Variants in CNKSR2 observed in about 807,000 individuals in gnomAD.
CNKSR2 encodes the protein connector enhancer of kinase suppressor of Ras 2.
Under a neutral mutation model 84.4 loss-of-function variants are expected in CNKSR2, and 14 were observed. The observed-to-expected ratio is 0.17, with a 90% CI of 0.11 to 0.26. The LOEUF is 0.26. Ranked by LOEUF, CNKSR2 falls within the 10% of genes least tolerant of loss-of-function variation. The pLI is 1.00. For missense variants in CNKSR2, 485 were observed against 771.2 expected, an observed-to-expected ratio of 0.63 and a Z score of 4.40; for synonymous variants, 275 against 277.9, an observed-to-expected ratio of 0.99 and a Z score of 0.10.
At chrX:21,524,443 T>C (rs779415915) in intron 9 of CNKSR2, among the ~76,000 whole-genome samples, 1 of 111,022 alleles carries the variant, frequency 9.0e-6, no homozygotes, top group African/African-American at 3.2e-5. Flanking sequence ...ATGACATTGA[T>C]AGGAACTGTT....
intron 1 of CNKSR2, among the ~76,000 whole-genome samples, chrX:21,410,808 G>A (rs936101823): frequency 1.8e-5 from 2 of 110,320 alleles, no homozygotes; most frequent in African/African-American, 6.6e-5. Flanking sequence ...GTGTGTGTGT[G>A]TGTGTGTGTT....
At chrX:21,433,390 T>G (rs2090661349) in intron 3 of CNKSR2, among the ~76,000 whole-genome samples, 1 of 111,700 alleles carries the variant, frequency 9.0e-6, no homozygotes, top group African/African-American at 3.2e-5. Context: ...TCTTGTAATA[T>G]GAAATGAAAA....
At chrX:21,623,320 A>C (rs1474197646) in intron 20 of CNKSR2, among the ~76,000 whole-genome samples, 1 of 111,544 alleles carries the variant, frequency 9.0e-6, no homozygotes, top group Non-Finnish European at 1.9e-5. Context: ...AAACTGTACT[A>C]CCAATTTCTG....
At chrX:21,421,531 GT>G (rs2090496597) in intron 1 of CNKSR2, among the ~76,000 whole-genome samples, 1 of 110,237 alleles carries the variant, frequency 9.1e-6, no homozygotes, top group East Asian at 2.8e-4. Context: ...GGACACTTGG[GT>G]TGCTTCCACC....
At chrX:21,426,341 T>C (rs2090564120) in intron 1 of CNKSR2, 156 bp from the exon 2 acceptor site, 1 of 452,825 alleles carries the variant, frequency 2.2e-6, no homozygotes, top group Non-Finnish European at 3.7e-6. Context: ...GTAGCCCATA[T>C]GTAGGTTAAG....
At chrX:21,444,463 T>A (rs1378977924) in intron 4 of CNKSR2, among the ~76,000 whole-genome samples, 1 of 111,352 alleles carries the variant, frequency 9.0e-6, no homozygotes, top group Non-Finnish European at 1.9e-5. Flanking sequence ...CAGTATAAAC[T>A]TGGACAAATT....
rs548431803 is a variant in CNKSR2, at chrX:21,554,761, C to G, written c.1304-6710C>G. On this transcript the variant is annotated intron_variant, in intron 11 of 21. Transcript: ENST00000379510. ...ATGGACATTTATGTTGATTCCATGT[C>G]TTTGCTATTGTGAATAGTGCTGCAA... Among the ~76,000 whole-genome samples, 11 of 111,381 alleles carry G rather than the reference C, an allele frequency of 9.9e-5. No homozygotes were observed. In the Middle Eastern group the frequency reaches 0.014, roughly 141 times the overall value.
chrX:21,502,901 G>C (rs746972562), intron 8 of CNKSR2, among the ~76,000 whole-genome samples: 1 of 111,148 alleles, frequency 9.0e-6, no homozygotes, highest in East Asian at 2.8e-4. Context: ...TGTCCCATAG[G>C]ATGAGGATTT....
chrX:21,541,334 T>C (rs962088200), intron 11 of CNKSR2, among the ~76,000 whole-genome samples: 1 of 111,961 alleles, frequency 8.9e-6, no homozygotes, highest in South Asian at 3.7e-4. Flanking sequence ...AAGATTCTTA[T>C]GTTATACCAT....
intron 11 of CNKSR2, among the ~76,000 whole-genome samples, chrX:21,543,579 T>G (rs1043249943): frequency 2.7e-5 from 3 of 111,921 alleles, no homozygotes; most frequent in Non-Finnish European, 3.8e-5. Context: ...TCTTCCTGAA[T>G]TTGTGCAATT....
Position 21,407,055 on chromosome X carries a change from A to C in CNKSR2, c.65-19442A>C, listed in dbSNP as rs1186794391. Reference sequence around the variant, plus strand: ...TGATTTGGTGGCATTAGTAGGTCATAGTCATAGAGTAACAGTACTCTTCTC... The same window carrying C: ...TGATTTGGTGGCATTAGTAGGTCATCGTCATAGAGTAACAGTACTCTTCTC... On this transcript the variant is annotated intron_variant, in intron 1 of 21. Transcript: ENST00000379510. Among the ~76,000 whole-genome samples, 2 of 111,541 alleles carry C rather than the reference A, an allele frequency of 1.8e-5. 1 individual carries two copies. Among genetic ancestry groups the C allele is most frequent in the Non-Finnish European group, 3.8e-5 (2 of 53,059 alleles).
intron 8 of CNKSR2, among the ~76,000 whole-genome samples, chrX:21,501,892 G>A (rs1294435248): frequency 9.2e-6 from 1 of 109,043 alleles, no homozygotes; most frequent in African/African-American, 3.3e-5. Flanking sequence ...TAAAGTGACA[G>A]TATGTATAAA....
Position 21,485,883 on chromosome X carries a change from C to T in CNKSR2, c.562-4576C>T, listed in dbSNP as rs763323166. 2.7e-5 allele frequency among the ~76,000 whole-genome samples: 3 copies of T among 111,698 alleles called. No homozygotes were observed. In the South Asian group the frequency reaches 1.1e-3, roughly 41 times the overall value. On this transcript the variant is annotated intron_variant, in intron 5 of 21. Coordinates refer to ENST00000379510, the MANE Select transcript of CNKSR2 (RefSeq NM_014927.5). The stretch of plus-strand genomic sequence containing the variant: ...GGTGCAGTGGCTCACGCCTGCAATC[C>T]CAGAACTTTGGGAGGCCGAAGTAGG...
intron 1 of CNKSR2, among the ~76,000 whole-genome samples, chrX:21,404,531 G>T (rs1260460687): frequency 9.1e-6 from 1 of 110,463 alleles, no homozygotes; most frequent in African/African-American, 3.3e-5. Flanking sequence ...GCTCACACCT[G>T]TAACCCTAGC....
intron 1 of CNKSR2, among the ~76,000 whole-genome samples, chrX:21,399,962 G>C (rs984748537): frequency 9.0e-6 from 1 of 111,067 alleles, no homozygotes; most frequent in Non-Finnish European, 1.9e-5. Flanking sequence ...CGTAGTCTAT[G>C]TAAAAGATGT....
intron 13 of CNKSR2, among the ~76,000 whole-genome samples, chrX:21,580,895 C>T (rs982302581): frequency 1.8e-5 from 2 of 111,611 alleles, no homozygotes; most frequent in East Asian, 2.8e-4. Context: ...TAAATTTCAA[C>T]GGTTTCTGTC....
intron 1 of CNKSR2, among the ~76,000 whole-genome samples, chrX:21,406,539 C>CT (rs1249558359): frequency 9.0e-6 from 1 of 111,541 alleles, no homozygotes; most frequent in African/African-American, 3.3e-5. Context: ...GCTCAGGAGT[C>CT]TAACTATGTA....
chrX:21,551,174 A>C (rs1270901645), intron 11 of CNKSR2, among the ~76,000 whole-genome samples: 1 of 110,821 alleles, frequency 9.0e-6, no homozygotes. Flanking sequence ...ATGAAAACAC[A>C]TGGACACAGG....
chrX:21,455,200 C>T (rs1281932525), intron 4 of CNKSR2, among the ~76,000 whole-genome samples: 5 of 111,751 alleles, frequency 4.5e-5, no homozygotes, highest in East Asian at 2.8e-4. Flanking sequence ...AGAGCCTTTA[C>T]AAACCTGAGA....
Sources: allele counts gnomAD v4.1 joint callset (sites outside exome capture counted in the v4.1 genomes callset), GRCh38; gene constraint gnomAD v4.1.1; transcripts MANE v1.5; gene names NCBI Gene and HGNC (gene_info 2026-07-23, HGNC 2026-07-21).